Variants in CAMK1D observed in about 807,000 individuals in gnomAD.
CAMK1D encodes the protein calcium/calmodulin dependent protein kinase ID.
CAMK1D carries 9 observed loss-of-function variants against 47.7 expected under a neutral mutation model. The observed-to-expected ratio is 0.19, with a 90% CI of 0.11 to 0.33. CAMK1D has a LOEUF of 0.33. Among genes scored for constraint, CAMK1D ranks in the 10% least tolerant of loss-of-function variants. The probability of loss-of-function intolerance (pLI) is 1.00; values close to 1 mark genes in which losing one functional copy is unlikely to be tolerated. For synonymous variants in CAMK1D, 184 were observed against 184.9 expected (o/e 0.99, Z 0.04); for missense variants, 291 against 488.7 (o/e 0.60, Z 3.81).
chr10:12,407,913 A>C (rs1369318321), intron 1 of CAMK1D, among the ~76,000 whole-genome samples: 1 of 137,180 alleles, frequency 7.3e-6, no homozygotes, highest in Non-Finnish European at 1.5e-5. Flanking sequence ...GCTGGAGTGC[A>C]GTGGTGCAAT....
intron 1 of CAMK1D, among the ~76,000 whole-genome samples, chr10:12,425,264 T>A (rs1840189492): frequency 6.8e-6 from 1 of 146,628 alleles, no homozygotes; most frequent in South Asian, 2.1e-4. Context: ...TGCCCCTTTC[T>A]TTTCTTTCTT....
intron 3 of CAMK1D, among the ~76,000 whole-genome samples, chr10:12,686,424 C>T (rs1038392053): frequency 4.6e-5 from 7 of 152,012 alleles, no homozygotes; most frequent in Admixed American, 3.3e-4. Context: ...CAAGTTCAAG[C>T]GATTCTCTTA....
At chr10:12,805,939 C>A (rs1838709213) in intron 6 of CAMK1D, among the ~76,000 whole-genome samples, 1 of 152,292 alleles carries the variant, frequency 6.6e-6, no homozygotes, top group Admixed American at 6.5e-5. Context: ...TAGACAGAAA[C>A]CAACACGCAT....
intron 1 of CAMK1D, among the ~76,000 whole-genome samples, chr10:12,408,169 C>CTTTTTT: frequency 7.3e-6 from 1 of 136,474 alleles, no homozygotes; most frequent in Non-Finnish European, 1.6e-5. Context: ...CTTTCATTTT[C>CTTTTTT]TTTTTTTTTT....
chr10:12,456,009 T>G (rs1171206784), intron 1 of CAMK1D, among the ~76,000 whole-genome samples: 4 of 152,206 alleles, frequency 2.6e-5, no homozygotes, highest in Non-Finnish European at 4.4e-5. Flanking sequence ...AAATCTGAGA[T>G]TCTCATGTGA....
chr10:12,390,518 A>G (rs529265137), intron 1 of CAMK1D, among the ~76,000 whole-genome samples: 4 of 152,306 alleles, frequency 2.6e-5, no homozygotes, highest in South Asian at 2.1e-4. Context: ...TGTCTTTATC[A>G]TCAGGCACAG....
intron 1 of CAMK1D, among the ~76,000 whole-genome samples, chr10:12,368,355 A>AT (rs1837908272): frequency 6.6e-6 from 1 of 152,138 alleles, no homozygotes; most frequent in Non-Finnish European, 1.5e-5. Context: ...ATAGTGAGCC[A>AT]TGATGGCACT....
chr10:12,694,313 A>T (rs1564498698), intron 3 of CAMK1D, among the ~76,000 whole-genome samples: 1 of 65,310 alleles, frequency 1.5e-5, no homozygotes, highest in African/African-American at 6.2e-5. Flanking sequence ...TAAAATATAT[A>T]AAATATAATA....
At chr10:12,483,377 T>A (rs1023973851) in intron 1 of CAMK1D, among the ~76,000 whole-genome samples, 1 of 152,100 alleles carries the variant, frequency 6.6e-6, no homozygotes, top group African/African-American at 2.4e-5. Context: ...ACTTTTGCAT[T>A]TTTTGTAGAG....
intron 3 of CAMK1D, among the ~76,000 whole-genome samples, chr10:12,698,758 C>T (rs193137856): frequency 1.5e-3 from 202 of 133,712 alleles, no homozygotes; most frequent in Middle Eastern, 5.5e-3. Context: ...CTGTATCCTC[C>T]GCCTCCTGGA....
intron 3 of CAMK1D, among the ~76,000 whole-genome samples, chr10:12,677,212 C>G (rs572471723): frequency 1.3e-5 from 2 of 152,256 alleles, no homozygotes; most frequent in East Asian, 3.9e-4. Flanking sequence ...AATTCATAGT[C>G]TGTGTTCCCA....
At chr10:12,666,831 A>T (rs763598179) in intron 3 of CAMK1D, 21 bp downstream of exon 3, 1 of 1,598,866 alleles carries the variant, frequency 6.3e-7, no homozygotes, top group Non-Finnish European at 8.6e-7. Flanking sequence ...TGTTTGATTG[A>T]TGAGTTTTGA....
At chr10:12,681,002 C>T (rs945662795) in intron 3 of CAMK1D, among the ~76,000 whole-genome samples, 5 of 152,110 alleles carry the variant, frequency 3.3e-5, no homozygotes, top group Admixed American at 6.6e-5. Context: ...CTTACATTGA[C>T]GGCTTTGGTG....
At chr10:12,680,881 T>G (rs553508599) in intron 3 of CAMK1D, among the ~76,000 whole-genome samples, 1 of 95,046 alleles carries the variant, frequency 1.1e-5, no homozygotes, top group Non-Finnish European at 2.6e-5. Flanking sequence ...TGAGACCATG[T>G]CTCAAAAAAA....
At chr10:12,676,820 G>A (rs1462114844) in intron 3 of CAMK1D, among the ~76,000 whole-genome samples, 1 of 152,194 alleles carries the variant, frequency 6.6e-6, no homozygotes, top group African/African-American at 2.4e-5. Context: ...AAAAAGCAGA[G>A]CTCACCAGAA....
chr10:12,594,658 A>G (rs757052217), intron 2 of CAMK1D, among the ~76,000 whole-genome samples: 1 of 152,200 alleles, frequency 6.6e-6, no homozygotes, highest in African/African-American at 2.4e-5. Context: ...AACATTTCCC[A>G]TGGTTGGAAA....
chr10:12,473,624 C>T (rs972230283), intron 1 of CAMK1D, among the ~76,000 whole-genome samples: 1 of 152,136 alleles, frequency 6.6e-6, no homozygotes, highest in Non-Finnish European at 1.5e-5. Context: ...GTTGAGGTCA[C>T]CTGGCAGCAG....
intron 1 of CAMK1D, among the ~76,000 whole-genome samples, chr10:12,353,676 C>A (rs754153097): frequency 6.6e-6 from 1 of 152,120 alleles, no homozygotes; most frequent in Non-Finnish European, 1.5e-5. Context: ...CAGGGACAAA[C>A]CTTTCAACCT....
chr10:12,672,017 G>A (rs900504536), intron 3 of CAMK1D, among the ~76,000 whole-genome samples: 1 of 149,414 alleles, frequency 6.7e-6, no homozygotes, highest in Non-Finnish European at 1.5e-5. Context: ...TCCGGTTCAT[G>A]CCATTCTCCT....
Sources: allele counts gnomAD v4.1 joint callset (sites outside exome capture counted in the v4.1 genomes callset), GRCh38; gene constraint gnomAD v4.1.1; transcripts MANE v1.5; gene names NCBI Gene and HGNC (gene_info 2026-07-23, HGNC 2026-07-21).